Variants in NEB observed in about 807,000 individuals in gnomAD.
The protein encoded by NEB is nebulin.
Under a neutral mutation model 952.2 loss-of-function variants are expected in NEB, and 512 were observed. The ratio of observed to expected loss-of-function variants is 0.54; its 90% confidence interval spans 0.50 to 0.58. NEB has a LOEUF of 0.58. Ranked by LOEUF, NEB falls within the 20% of genes least tolerant of loss-of-function variation. The probability of loss-of-function intolerance (pLI) is 0.00; values close to 1 mark genes in which losing one functional copy is unlikely to be tolerated. For synonymous variants in NEB, 2,900 were observed against 3,149.8 expected (o/e 0.92, Z 2.66); for missense variants, 8,428 against 9,231.1 (o/e 0.91, Z 3.56).
intron 137 of NEB, 44 bp downstream of exon 137, chr2:151,540,653 T>G (rs531628640): frequency 1.3e-6 from 2 of 1,539,682 alleles, no homozygotes; most frequent in East Asian, 4.5e-5. Context: ...TAACAAAGTA[T>G]TTTTCTTTTT....
At chr2:151,516,590 T>G in intron 156 of NEB, 27 bp from the exon 157 acceptor site, 1 of 1,437,652 alleles carries the variant, frequency 7.0e-7, no homozygotes, top group South Asian at 1.2e-5. Context: ...ATGTTAGATA[T>G]CTCTCCTCTG....
intron 32 of NEB, 42 bp from the exon 33 acceptor site, chr2:151,678,229 G>C (rs751877532): frequency 1.5e-6 from 2 of 1,336,286 alleles, no homozygotes; most frequent in Non-Finnish European, 2.1e-6. Flanking sequence ...ATGTAGTTTT[G>C]AGGGCTTTAC....
At chr2:151,490,152 G>A in intron 180 of NEB, 75 bp from the exon 181 acceptor site, 2 of 1,261,832 alleles carry the variant, frequency 1.6e-6, no homozygotes, top group Admixed American at 2.2e-5. Context: ...TAGCAGCTGA[G>A]TGATGTCTTT....
chr2:151,620,132 A>C (rs1448501674), intron 72 of NEB, among the ~76,000 whole-genome samples: 1 of 152,012 alleles, frequency 6.6e-6, no homozygotes, highest in Non-Finnish European at 1.5e-5. Context: ...TTTCTAGCAT[A>C]GTCTGAGAAG....
chr2:151,619,412 C>A (rs1226767405), intron 73 of NEB, 39 bp downstream of exon 73: 3 of 1,540,332 alleles, frequency 1.9e-6, no homozygotes, highest in Admixed American at 1.8e-5. Flanking sequence ...CGTTTCAGAT[C>A]CGCTTTTAAC....
chr2:151,620,328 T>C (rs1009453322), intron 72 of NEB, among the ~76,000 whole-genome samples: 4 of 125,990 alleles, frequency 3.2e-5, no homozygotes, highest in African/African-American at 9.8e-5. Flanking sequence ...AATTTTATTA[T>C]ATATATATGT....
chr2:151,581,635 A>G, intron 102 of NEB, 48 bp from the exon 103 acceptor site: 1 of 1,379,482 alleles, frequency 7.2e-7, no homozygotes, highest in East Asian at 2.5e-5. Context: ...AAATAAGTCA[A>G]TTACCACATA....
intron 144 of NEB, among the ~76,000 whole-genome samples, chr2:151,531,566 C>T (rs2091001016): frequency 1.3e-5 from 2 of 152,182 alleles, no homozygotes; most frequent in South Asian, 2.1e-4. Context: ...ATCCACCTGC[C>T]TTGGCTTCCC....
At chr2:151,634,811 T>C (rs965152280) in intron 64 of NEB, among the ~76,000 whole-genome samples, 2 of 152,156 alleles carry the variant, frequency 1.3e-5, no homozygotes, top group Non-Finnish European at 2.9e-5. Context: ...CTGATTGTAC[T>C]TGTAAAACTG....
In NEB at chr2:151,502,328, G is replaced by A. The variant is rs151032458; in HGVS notation, c.23928+465C>T. On this transcript the variant is annotated intron_variant, in intron 167 of 181. Transcript: ENST00000397345. The stretch of plus-strand genomic sequence containing the variant: ...TCACAAGTCACCACTAAAGAACTTA[G>A]TAACCAAATACCACCTGTACCTCCC... Among the ~76,000 whole-genome samples, 5 of 151,266 alleles carry A rather than the reference G, an allele frequency of 3.3e-5. No individual in the cohort carries two copies. The East Asian group carries it at 9.7e-4, about 29-fold the overall frequency.
chr2:151,726,234 T>C (rs2099789977), intron 5 of NEB, among the ~76,000 whole-genome samples: 1 of 152,196 alleles, frequency 6.6e-6, no homozygotes, highest in South Asian at 2.1e-4. Flanking sequence ...ACATCAGAAA[T>C]TCTAGGTTCA....
In NEB at chr2:151,724,916, C is replaced by T. The variant is rs376288418; in HGVS notation, c.448G>A (p.Val150Ile). The change falls in exon 7 of 182, where the codon GTA (valine) becomes ATA (isoleucine). Residue 150 changes from valine to isoleucine, a missense_variant. Around this residue, in one of 11 missense-constraint regions of NEB, gnomAD observed 2,851 missense variants for 2,791.5 expected, o/e 1.02. Coordinates refer to ENST00000397345, the MANE Select transcript of NEB (RefSeq NM_001164508.2). ...TCAATATCCTTTGCTTTTTCATCTA[C>T]GTGACATATAGTCTTAGCAACATCA... is the stretch of plus-strand genomic sequence containing the variant. ...DGDVAKTICH[V>I]DEKAKDIEHA... The T allele has an allele frequency of 5.0e-5, 81 of 1,613,742 alleles. No homozygotes were observed. The highest frequency in any genetic ancestry group is 1.1e-4 in the African/African-American group (8 of 74,928).
chr2:151,671,932 A>G (rs555271841), intron 37 of NEB, among the ~76,000 whole-genome samples: 2 of 152,126 alleles, frequency 1.3e-5, no homozygotes, highest in Admixed American at 1.3e-4. Flanking sequence ...TTAATTTTAG[A>G]TGACTCATTA....
intron 5 of NEB, among the ~76,000 whole-genome samples, chr2:151,726,046 T>G (rs1325424552): frequency 6.6e-6 from 1 of 152,232 alleles, no homozygotes; most frequent in African/African-American, 2.4e-5. Flanking sequence ...AATGTGATTT[T>G]ATTATTTCTG....
chr2:151,644,834 C>G (rs2098932744), intron 55 of NEB, among the ~76,000 whole-genome samples: 1 of 152,054 alleles, frequency 6.6e-6, no homozygotes, highest in Non-Finnish European at 1.5e-5. Context: ...AGATACATTC[C>G]GAGAAATGTA....
At chr2:151,553,781 C>T (rs2153659341) in intron 126 of NEB, 47 bp downstream of exon 126, 2 of 1,529,542 alleles carry the variant, frequency 1.3e-6, no homozygotes, top group Admixed American at 1.9e-5. Context: ...CTGGGTGGGG[C>T]CGTGGGGCGG....
chr2:151,491,748 C>A lies in NEB; in HGVS notation c.25085G>T (p.Gly8362Val). The change falls in exon 179 of 182, where the codon GGT becomes GTT. Residue 8362 changes from glycine to valine, a missense_variant. This residue lies in a region of NEB where 3,374 missense variants were observed against 3,651.5 expected (regional missense o/e 0.92). Coordinates refer to ENST00000397345, the MANE Select transcript of NEB (RefSeq NM_001164508.2). ...TGLRVWRTNP[G>V]SVFDYDPAED... The stretch of plus-strand genomic sequence containing the variant: ...TGCTGGATCATAGTCAAAAACCGAA[C>A]CAGGATTAGTACGCCAGACACGTAA... 6.3e-7 allele frequency: 1 copy of A among 1,594,894 alleles called. No individual in the cohort carries two copies. The highest frequency in any genetic ancestry group is 8.5e-7 in the Non-Finnish European group (1 of 1,170,026).
At chr2:151,661,131 T>C (rs2099143718) in intron 46 of NEB, among the ~76,000 whole-genome samples, 1 of 152,146 alleles carries the variant, frequency 6.6e-6, no homozygotes. Context: ...ATGGGAGGAT[T>C]CAACTTGATG....
chr2:151,723,544 CAT>C, intron 8 of NEB, 58 bp from the exon 9 acceptor site: 2 of 1,255,570 alleles, frequency 1.6e-6, no homozygotes, highest in African/African-American at 1.5e-5. Context: ...ACACAAAATA[CAT>C]AGTTTTGAAT....
Sources: gnomAD v4.1 joint callset for allele counts (sites outside exome capture counted in the v4.1 genomes callset) on GRCh38, gnomAD v4.1.1 for gene constraint, gnomAD v4.1.1 regional missense constraint, MANE v1.5 for transcripts, NCBI Gene and HGNC (gene_info 2026-07-23, HGNC 2026-07-21) for gene names.